Variants in PTPRG observed in about 807,000 individuals in gnomAD.
PTPRG encodes the protein receptor-type tyrosine-protein phosphatase gamma.
Under a neutral mutation model 165.3 loss-of-function variants are expected in PTPRG, and 102 were observed. The ratio of observed to expected loss-of-function variants is 0.62; its 90% confidence interval spans 0.53 to 0.73. The LOEUF is 0.73. Among genes scored for constraint, PTPRG ranks in the 30% least tolerant of loss-of-function variants. The pLI, the probability that PTPRG is intolerant of heterozygous loss-of-function variation, is 0.00. For synonymous variants in PTPRG, 675 were observed against 669.5 expected (o/e 1.01, Z -0.13); for missense variants, 1,866 against 1,861.4 (o/e 1.00, Z -0.05).
chr3:61,564,995 T>C (rs891980506), intron 1 of PTPRG, among the ~76,000 whole-genome samples: 3 of 152,266 alleles, frequency 2.0e-5, no homozygotes, highest in Admixed American at 2.0e-4. Context: ...TAAAAATGCT[T>C]CTGTTTTGGA....
chr3:61,652,569 A>G (rs1262280132), intron 1 of PTPRG, among the ~76,000 whole-genome samples: 1 of 150,546 alleles, frequency 6.6e-6, no homozygotes, highest in Non-Finnish European at 1.5e-5. Context: ...GCCCTTCTAG[A>G]ACCTTGTTCC....
intron 12 of PTPRG, among the ~76,000 whole-genome samples, chr3:62,206,933 A>AAAAAAAAAAAAAAAACAAAAAAAAAC (rs1559650285): frequency 5.5e-5 from 8 of 146,252 alleles, no homozygotes; most frequent in African/African-American, 2.1e-4. Context: ...AAAAAAAAAA[A>AAAAAAAAAAAAAAAACAAAAAAAAAC]AAAAAAGAAG....
chr3:62,100,276 A>T (rs1007152892), intron 5 of PTPRG, among the ~76,000 whole-genome samples: 6 of 152,086 alleles, frequency 3.9e-5, no homozygotes, highest in Non-Finnish European at 8.8e-5. Flanking sequence ...AGCTCTGGTG[A>T]CCTGTGTGGT....
chr3:61,844,722 C>T (rs2036757342), intron 2 of PTPRG, among the ~76,000 whole-genome samples: 2 of 151,346 alleles, frequency 1.3e-5, no homozygotes, highest in South Asian at 2.1e-4. Flanking sequence ...AGGGTGGTCT[C>T]GAACTCCTGG....
intron 1 of PTPRG, among the ~76,000 whole-genome samples, chr3:61,648,371 C>T (rs991399364): frequency 6.6e-6 from 1 of 152,200 alleles, no homozygotes; most frequent in Non-Finnish European, 1.5e-5. Context: ...CCTTGAATGC[C>T]TTCCTGTGTT....
chr3:62,086,484 C>A (rs1412150785), intron 5 of PTPRG, among the ~76,000 whole-genome samples: 1 of 152,118 alleles, frequency 6.6e-6, no homozygotes, highest in African/African-American at 2.4e-5. Context: ...TTATTTAGAA[C>A]TTCCTTCTTA....
intron 4 of PTPRG, among the ~76,000 whole-genome samples, chr3:62,014,276 G>A (rs972501023): frequency 2.6e-5 from 4 of 152,096 alleles, no homozygotes; most frequent in South Asian, 2.1e-4. Context: ...TTCTCAGTCC[G>A]GATTGTTTGG....
chr3:62,277,188 T>C (rs1702258827), intron 25 of PTPRG, 140 bp downstream of exon 25: 1 of 715,198 alleles, frequency 1.4e-6, no homozygotes, highest in Non-Finnish European at 2.3e-6. Context: ...TTCTGTATCT[T>C]GAAACTTTTA....
chr3:61,758,110 G>C (rs2033694164), intron 2 of PTPRG, among the ~76,000 whole-genome samples: 1 of 152,026 alleles, frequency 6.6e-6, no homozygotes. Flanking sequence ...CTGTCACCCA[G>C]GCTGAAGTGC....
intron 8 of PTPRG, among the ~76,000 whole-genome samples, chr3:62,187,332 C>G (rs920464443): frequency 2.0e-5 from 3 of 152,232 alleles, no homozygotes; most frequent in Non-Finnish European, 4.4e-5. Flanking sequence ...AAGGCTTGGC[C>G]TCTCCTTACT....
chr3:62,205,827 G>A (rs1466376060), intron 12 of PTPRG, among the ~76,000 whole-genome samples: 4 of 152,148 alleles, frequency 2.6e-5, no homozygotes, highest in African/African-American at 4.8e-5. Context: ...TGAGAAACCA[G>A]GGTAGATCTT....
chr3:61,917,443 C>A (rs144152481), intron 2 of PTPRG, among the ~76,000 whole-genome samples: 1 of 152,228 alleles, frequency 6.6e-6, no homozygotes, highest in Non-Finnish European at 1.5e-5. Flanking sequence ...CTTGCAGGTT[C>A]TTTGCGTGTT....
chr3:62,227,481 G>T (rs1161695974), intron 13 of PTPRG, among the ~76,000 whole-genome samples: 1 of 152,208 alleles, frequency 6.6e-6, no homozygotes, highest in African/African-American at 2.4e-5. Flanking sequence ...GCAGCCATGT[G>T]TGGTAGGCAA....
At chr3:61,856,478 C>G (rs1179035032) in intron 2 of PTPRG, among the ~76,000 whole-genome samples, 2 of 152,212 alleles carry the variant, frequency 1.3e-5, no homozygotes, top group Non-Finnish European at 2.9e-5. Flanking sequence ...TTTCATTCTT[C>G]TTTTCATCAT....
In PTPRG at chr3:62,168,119, T is replaced by G; in HGVS notation, c.989T>G (p.Met330Arg). 1 of 1,614,112 alleles carries G rather than the reference T, an allele frequency of 6.2e-7. No homozygotes were observed. The highest frequency in any genetic ancestry group is 8.5e-7 in the Non-Finnish European group (1 of 1,180,002). The change falls in exon 8 of 30, where the codon ATG becomes AGG. Residue 330 changes from methionine (M) to arginine (R), a missense_variant. Met to Arg is a moderately conservative substitution (Grantham distance 91). Coordinates refer to ENST00000474889, the MANE Select transcript of PTPRG (RefSeq NM_002841.4). ...SAVRDSWNHD[M>R]TDFLENPLGT... ...GTCCGTGACTCCTGGAACCACGACA[T>G]GACAGACTTCTTAGAAAACCCACTG...
chr3:61,903,938 T>C (rs535360153), intron 2 of PTPRG, among the ~76,000 whole-genome samples: 1 of 152,346 alleles, frequency 6.6e-6, no homozygotes, highest in East Asian at 1.9e-4. Flanking sequence ...CTGTTCTGTC[T>C]TCTCACATTT....
chr3:62,280,467 A>G (rs1372304706), intron 26 of PTPRG, among the ~76,000 whole-genome samples: 2 of 152,066 alleles, frequency 1.3e-5, no homozygotes, highest in Non-Finnish European at 2.9e-5. Context: ...GCCAAGAGGT[A>G]TATGAAAAGA....
intron 2 of PTPRG, among the ~76,000 whole-genome samples, chr3:61,901,477 G>A (rs1444512749): frequency 2.0e-5 from 3 of 152,304 alleles, no homozygotes; most frequent in East Asian, 3.9e-4. Flanking sequence ...CTGAGATGAG[G>A]TAGATAAGAA....
intron 5 of PTPRG, among the ~76,000 whole-genome samples, chr3:62,107,977 A>T (rs1360174616): frequency 2.0e-5 from 3 of 152,100 alleles, no homozygotes; most frequent in Non-Finnish European, 4.4e-5. Flanking sequence ...CCTCTCAGTT[A>T]CAAGTTTGCC....
Sources: allele counts gnomAD v4.1 joint callset (sites outside exome capture counted in the v4.1 genomes callset), GRCh38; gene constraint gnomAD v4.1.1; transcripts MANE v1.5; gene names NCBI Gene and HGNC (gene_info 2026-07-23, HGNC 2026-07-21).